The following MR1 variants were observed in gnomAD, a reference collection of about 807,000 sequenced individuals.
MR1 encodes major histocompatibility complex class I-related protein 1.
MR1 carries 44 observed loss-of-function variants against 37.8 expected under a neutral mutation model. The ratio of observed to expected loss-of-function variants is 1.16; its 90% CI spans 0.91 to 1.50. The LOEUF is 1.50. MR1 is among the 40% of genes most tolerant of loss of function. MR1 has a pLI of 0.00. For missense variants in MR1, 386 were observed against 419.1 expected, an observed-to-expected ratio of 0.92 and a Z score of 0.69; for synonymous variants, 153 against 155.8, an observed-to-expected ratio of 0.98 and a Z score of 0.13.
At chr1:181,051,289 A>C (rs1231436810) in intron 3 of MR1, 1 of 152,148 alleles carries the variant, frequency 6.6e-6, no homozygotes, top group African/African-American at 2.4e-5. Flanking sequence ...GAAAAAACAC[A>C]TTCCTAGAAA....
At chr1:181,052,126 T>C (rs919850565) in intron 3 of MR1, 109 bp from the exon 4 acceptor site, 2 of 1,282,456 alleles carry the variant, frequency 1.6e-6, no homozygotes, top group South Asian at 1.5e-5. Flanking sequence ...TTCTTAGCTT[T>C]AGAAGTTTCC....
intron 1 of MR1, among the ~76,000 whole-genome samples, chr1:181,046,585 G>T (rs1474024918): frequency 6.6e-6 from 1 of 152,108 alleles, no homozygotes; most frequent in African/African-American, 2.4e-5. Context: ...CAGACCACTG[G>T]GCTCTACCAA....
intron 1 of MR1, 82 bp from the exon 2 acceptor site, chr1:181,048,970 T>C: frequency 1.3e-6 from 2 of 1,536,136 alleles, no homozygotes; most frequent in Non-Finnish European, 1.8e-6. Context: ...TAGGGAGCAC[T>C]CGTGTGGGGC....
In MR1 at chr1:181,052,248, C is replaced by T. The variant is rs755410502; in HGVS notation, c.618C>T (p.Val206=). 6.8e-6 allele frequency: 11 copies of T among 1,614,098 alleles called. No homozygotes were observed. The highest frequency in any genetic ancestry group is 9.3e-6 in the Non-Finnish European group (11 of 1,179,990). ...TCTTCTTCCTAGAGCCCCCACTGGT[C>T]AGAGTAAATCGCAAAGAAACTTTTC... ...DTLQRTEPPL[V]RVNRKETFPG... Residue 206 remains valine (V), a synonymous_variant, in exon 4 of 6, where the codon GTC becomes GTT. Coordinates refer to ENST00000367580, the MANE Select transcript of MR1 (RefSeq NM_001385161.1).
rs945897910 is a variant in MR1, at chr1:181,055,122, C to G, written c.986-103C>G. 2.2e-5 allele frequency: 23 copies of G among 1,022,796 alleles called. No individual in the cohort carries two copies. In the African/African-American group the frequency reaches 3.7e-4, roughly 16 times the overall value. The allele number at this position is 1,022,796 out of a possible 1,614,324, so 63.4% of individuals were successfully genotyped here. A position where few individuals can be genotyped will look rare whatever the true frequency, so the allele number is the denominator to read the frequency against. ...AGAATCTTGACAAAGCAAGCTAAAA[C>G]TGTCGATGCCTGTTTCTCAGATTTT... is the stretch of plus-strand genomic sequence containing the variant. On this transcript the variant is annotated intron_variant, in intron 5 of 5. Coordinates refer to ENST00000367580, the MANE Select transcript of MR1 (RefSeq NM_001385161.1).
chr1:181,038,653 G>T (rs1268468673), intron 1 of MR1, among the ~76,000 whole-genome samples: 1 of 152,254 alleles, frequency 6.6e-6, no homozygotes, highest in East Asian at 1.9e-4. Flanking sequence ...GGGGCTAGAA[G>T]CCTGGCCTGG....
intron 1 of MR1, among the ~76,000 whole-genome samples, chr1:181,040,175 A>G (rs961964739): frequency 1.3e-5 from 2 of 152,224 alleles, no homozygotes; most frequent in Admixed American, 1.3e-4. Flanking sequence ...TCTAAATTGT[A>G]TATTTCAGCT....
In MR1 at chr1:181,060,395, A is replaced by G. The variant is rs1249654378; in HGVS notation, c.*5130A>G. The G allele has an allele frequency of 6.6e-6, 1 of 152,046 alleles. No individual in the cohort carries two copies. The highest frequency in any genetic ancestry group is 1.5e-5 in the Non-Finnish European group (1 of 68,008). 9.4% of individuals were successfully genotyped at this position (152,046 alleles called of 1,614,324 possible). A position where few individuals can be genotyped will look rare whatever the true frequency, so the allele number is the denominator to read the frequency against. ...TGAATTTTTTGGAGGAAACAATTCAACTCCTAACACATCTCTACCCAACCT... is the reference window on the plus strand; with the variant it reads ...TGAATTTTTTGGAGGAAACAATTCAGCTCCTAACACATCTCTACCCAACCT... On this transcript the variant is annotated 3_prime_UTR_variant, in exon 6 of 6. Transcript: ENST00000367580.
intron 1 of MR1, among the ~76,000 whole-genome samples, chr1:181,048,067 A>G (rs1428925524): frequency 6.6e-6 from 1 of 150,702 alleles, no homozygotes; most frequent in Middle Eastern, 3.2e-3. Context: ...AATACAAAAA[A>G]ATTAGCCAGG....
chr1:181,053,728 C>T (rs762277892), intron 5 of MR1, 51 bp downstream of exon 5: 1 of 1,315,660 alleles, frequency 7.6e-7, no homozygotes, highest in Non-Finnish European at 1.1e-6. Flanking sequence ...TCCTGCATCT[C>T]TCCAGTTTTA....
intron 1 of MR1, among the ~76,000 whole-genome samples, chr1:181,048,227 A>AAATGCTCAGTGCATGTGT (rs1491398561): frequency 6.9e-6 from 1 of 143,986 alleles, no homozygotes; most frequent in Non-Finnish European, 1.5e-5. Flanking sequence ...AAAAAAATAA[A>AAATGCTCAGTGCATGTGT]TAAAATAAAA....
At chr1:181,034,677 C>A (rs1657178063) in intron 1 of MR1, among the ~76,000 whole-genome samples, 1 of 138,890 alleles carries the variant, frequency 7.2e-6, no homozygotes. Context: ...CTAGAACCAC[C>A]AGGCTTCTCT....
rs1658904007 is a variant in MR1 at position 181,061,617 on chromosome 1, A to G, written c.*6352A>G. ...CTGGAAGATGTTACATAATCCTATC[A>G]TGGTGTTTATTTATGGAAATCTATT... is the stretch of plus-strand genomic sequence containing the variant. On this transcript the variant is annotated 3_prime_UTR_variant, in exon 6 of 6. Coordinates refer to ENST00000367580, the MANE Select transcript of MR1 (RefSeq NM_001385161.1). 1 of 152,242 alleles carries G rather than the reference A, an allele frequency of 6.6e-6. No individual in the cohort carries two copies. Among genetic ancestry groups the G allele is most frequent in the Non-Finnish European group, 1.5e-5 (1 of 68,050 alleles). The allele number at this position is 152,242 out of a possible 1,614,324, so 9.4% of individuals were successfully genotyped here.
At chr1:181,045,693 C>T (rs980158069) in intron 1 of MR1, among the ~76,000 whole-genome samples, 5 of 152,200 alleles carry the variant, frequency 3.3e-5, no homozygotes, top group Non-Finnish European at 5.9e-5. Context: ...AGCCCTAGCT[C>T]GCTCTTGGCG....
chr1:181,033,896 A>G (rs781317890), upstream of MR1: 395 of 735,516 alleles, frequency 5.4e-4, no homozygotes, highest in Non-Finnish European at 7.8e-4. Context: ...GCAACTGATG[A>G]CACTGCATAT....
chr1:181,054,412 T>C (rs1365883986), intron 5 of MR1, among the ~76,000 whole-genome samples: 1 of 152,200 alleles, frequency 6.6e-6, no homozygotes, highest in Non-Finnish European at 1.5e-5. Context: ...GATCACAGGA[T>C]AGTACCGATG....
At position 181,049,306 on chromosome 1, in the gene MR1, C is replaced by T; in HGVS notation, c.322C>T (p.His108Tyr). 6.2e-7 allele frequency: 1 copy of T among 1,613,238 alleles called. No homozygotes were observed. The highest frequency in any genetic ancestry group is 8.5e-7 in the Non-Finnish European group (1 of 1,179,550). Reference protein sequence around the residue: ...ELKRLQRHYNHSGSHTYQRMI... With the variant: ...ELKRLQRHYNYSGSHTYQRMI... ...GAAGCGCCTACAGAGGCACTACAAT[C>T]ACTCAGGTGTGCATGCGGCAGAGAC... The change falls in exon 2 of 6, where the codon CAC becomes TAC. Residue 108 changes from histidine to tyrosine, a missense_variant. By Grantham distance (83) the His-to-Tyr change is moderately conservative. Transcript: ENST00000367580.
chr1:181,038,134 G>T (rs1021549649), intron 1 of MR1, among the ~76,000 whole-genome samples: 1 of 152,162 alleles, frequency 6.6e-6, no homozygotes, highest in Non-Finnish European at 1.5e-5. Context: ...CTAGGACTGT[G>T]CTTATTGGAC....
At chr1:181,048,094 T>C (rs1350507333) in intron 1 of MR1, among the ~76,000 whole-genome samples, 2 of 150,688 alleles carry the variant, frequency 1.3e-5, no homozygotes, top group African/African-American at 4.9e-5. Flanking sequence ...GACCAGTGCC[T>C]GTTATCCCAG....
Sources: gnomAD v4.1 joint callset for allele counts (sites outside exome capture counted in the v4.1 genomes callset) on GRCh38, gnomAD v4.1.1 for gene constraint, MANE v1.5 for transcripts, NCBI Gene and HGNC (gene_info 2026-07-23, HGNC 2026-07-21) for gene names.